The following MDGA2 variants were observed in gnomAD, a reference collection of about 807,000 sequenced individuals.
MDGA2 encodes the protein MAM domain containing glycosylphosphatidylinositol anchor 2.
Under a neutral mutation model 117.8 loss-of-function variants are expected in MDGA2, and 40 were observed. The ratio of observed to expected loss-of-function variants is 0.34; its 90% CI spans 0.26 to 0.44. The LOEUF (loss-of-function observed/expected upper bound fraction) is 0.44, where lower values mean the gene tolerates loss of function less well. MDGA2 is among the 20% of genes least tolerant of loss of function. The pLI is 1.00. For missense variants in MDGA2, 1,123 were observed against 1,250.6 expected, an observed-to-expected ratio of 0.90 and a Z score of 1.54; for synonymous variants, 452 against 439.0, an observed-to-expected ratio of 1.03 and a Z score of -0.37.
At chr14:47,674,465 C>A in intron 1 of MDGA2, 52 bp downstream of exon 1, 1 of 1,477,996 alleles carries the variant, frequency 6.8e-7, no homozygotes, top group East Asian at 2.5e-5. Flanking sequence ...CGCTCACCAG[C>A]CTATCTTGCC....
At chr14:47,526,407 G>T (rs559044968) in intron 1 of MDGA2, among the ~76,000 whole-genome samples, 1 of 152,200 alleles carries the variant, frequency 6.6e-6, no homozygotes, top group East Asian at 1.9e-4. Flanking sequence ...TTTGGGATTT[G>T]TTAGGGATGG....
chr14:47,223,839 C>T (rs8015616), intron 2 of MDGA2, among the ~76,000 whole-genome samples: 3,395 of 152,184 alleles, frequency 0.022, 136 homozygotes, highest in African/African-American at 0.076. Context: ...AAGAAAATTA[C>T]AATCATGGGG....
At chr14:46,862,047 A>G (rs1881531165) in intron 14 of MDGA2, among the ~76,000 whole-genome samples, 2 of 152,050 alleles carry the variant, frequency 1.3e-5, no homozygotes, top group South Asian at 4.1e-4. Flanking sequence ...TTAAATCCCC[A>G]GAGACACTGT....
chr14:47,099,881 GTTTTC>G (rs1880202769), intron 5 of MDGA2, among the ~76,000 whole-genome samples: 1 of 151,988 alleles, frequency 6.6e-6, no homozygotes, highest in Non-Finnish European at 1.5e-5. Context: ...TGCACAAAGT[GTTTTC>G]TTTTATCATT....
intron 1 of MDGA2, among the ~76,000 whole-genome samples, chr14:47,490,374 C>G (rs938454826): frequency 3.3e-5 from 5 of 151,918 alleles, no homozygotes; most frequent in Non-Finnish European, 5.9e-5. Flanking sequence ...ATCAAAGAAC[C>G]TAATTAAATG....
intron 1 of MDGA2, among the ~76,000 whole-genome samples, chr14:47,592,215 C>T (rs1379446611): frequency 6.6e-6 from 1 of 152,026 alleles, no homozygotes; most frequent in Non-Finnish European, 1.5e-5. Flanking sequence ...AGGAGAACTA[C>T]AAACCACTGC....
intron 3 of MDGA2, among the ~76,000 whole-genome samples, chr14:47,158,831 C>T (rs61995372): frequency 0.2 from 30,569 of 152,070 alleles, 3,259 homozygotes; most frequent in Non-Finnish European, 0.21. Flanking sequence ...TAAAAGGTAG[C>T]ACATACAGAC....
intron 2 of MDGA2, 116 bp downstream of exon 2, chr14:47,301,295 C>CCA (rs71112491): frequency 2.6e-4 from 247 of 951,456 alleles, no homozygotes; most frequent in African/African-American, 2.3e-3. Context: ...CCACACCCAC[C>CCA]CACACACACA....
At chr14:46,853,777 T>G (rs1290995356) in intron 15 of MDGA2, among the ~76,000 whole-genome samples, 1 of 151,850 alleles carries the variant, frequency 6.6e-6, no homozygotes, top group African/African-American at 2.4e-5. Context: ...TATAATAATA[T>G]CAACTTTTTA....
At chr14:47,392,477 C>A (rs1891918641) in intron 1 of MDGA2, among the ~76,000 whole-genome samples, 1 of 152,048 alleles carries the variant, frequency 6.6e-6, no homozygotes, top group Admixed American at 6.6e-5. Flanking sequence ...TGAGTCCTAG[C>A]CAGATTTCAA....
At chr14:47,474,878 C>A (rs1397970878) in intron 1 of MDGA2, among the ~76,000 whole-genome samples, 2 of 152,114 alleles carry the variant, frequency 1.3e-5, no homozygotes, top group African/African-American at 4.8e-5. Flanking sequence ...ACTATAGAAA[C>A]TCTAGAAGAA....
intron 2 of MDGA2, among the ~76,000 whole-genome samples, chr14:47,268,732 T>C (rs531130327): frequency 6.6e-6 from 1 of 152,330 alleles, no homozygotes; most frequent in African/African-American, 2.4e-5. Flanking sequence ...ATGTCTACCC[T>C]GTGATGATCT....
At chr14:47,188,793 C>T (rs975161702) in intron 3 of MDGA2, among the ~76,000 whole-genome samples, 5 of 152,000 alleles carry the variant, frequency 3.3e-5, no homozygotes, top group African/African-American at 4.8e-5. Context: ...ATTTCTAGCA[C>T]GTCAGAGCAA....
At chr14:47,098,107 G>C (rs1199047130) in intron 5 of MDGA2, among the ~76,000 whole-genome samples, 2 of 151,586 alleles carry the variant, frequency 1.3e-5, no homozygotes, top group Non-Finnish European at 2.9e-5. Context: ...AGTTAGAGCT[G>C]TATTATATGA....
At chr14:47,583,808 T>C (rs977452445) in intron 1 of MDGA2, among the ~76,000 whole-genome samples, 14 of 151,868 alleles carry the variant, frequency 9.2e-5, no homozygotes, top group Non-Finnish European at 2.1e-4. Context: ...TTACCTTATG[T>C]GTAAACAGCA....
At chr14:47,573,736 G>A (rs1429181623) in intron 1 of MDGA2, among the ~76,000 whole-genome samples, 1 of 152,122 alleles carries the variant, frequency 6.6e-6, no homozygotes, top group East Asian at 1.9e-4. Flanking sequence ...TAATAAGCAG[G>A]AGAAAATCAG....
chr14:47,432,311 C>A (rs1006219245), intron 1 of MDGA2, among the ~76,000 whole-genome samples: 1 of 152,088 alleles, frequency 6.6e-6, no homozygotes, highest in African/African-American at 2.4e-5. Flanking sequence ...GGGAATCTCA[C>A]ACTTATATGT....
intron 1 of MDGA2, among the ~76,000 whole-genome samples, chr14:47,612,952 T>C (rs1896879682): frequency 6.6e-6 from 1 of 152,212 alleles, no homozygotes; most frequent in African/African-American, 2.4e-5. Context: ...TCCAACACTT[T>C]AGCATCCTCT....
chr14:47,506,389 G>A (rs1157092924), intron 1 of MDGA2, among the ~76,000 whole-genome samples: 1 of 152,168 alleles, frequency 6.6e-6, no homozygotes, highest in Non-Finnish European at 1.5e-5. Flanking sequence ...ATGGCCACAT[G>A]AACGACTTCT....
Sources: gnomAD v4.1 joint callset for allele counts (sites outside exome capture counted in the v4.1 genomes callset) on GRCh38, gnomAD v4.1.1 for gene constraint, MANE v1.5 for transcripts, NCBI Gene and HGNC (gene_info 2026-07-23, HGNC 2026-07-21) for gene names.